The following ETFA variants were observed in gnomAD, a reference collection of about 807,000 sequenced individuals.
ETFA encodes electron transfer flavoprotein subunit alpha.
In ETFA, 22 loss-of-function variants were observed where a neutral mutation model predicts 46.2. That is an observed-to-expected ratio of 0.48 (90% CI 0.34 to 0.68). The LOEUF is 0.68. Ranked by LOEUF, ETFA falls within the 30% of genes least tolerant of loss-of-function variation. ETFA has a pLI of 0.01. For synonymous variants in ETFA, 131 were observed against 139.9 expected (o/e 0.94, Z 0.45); for missense variants, 345 against 401.1 (o/e 0.86, Z 1.19).
intron 9 of ETFA, chr15:76,260,735 G>A (rs189369257): frequency 2.7e-5 from 44 of 1,605,954 alleles, no homozygotes; most frequent in African/African-American, 1.9e-4. Flanking sequence ...TTTGGGGAGC[G>A]CTGGCTGGGG....
intron 4 of ETFA, among the ~76,000 whole-genome samples, chr15:76,290,987 G>C (rs1048256720): frequency 6.6e-6 from 1 of 152,218 alleles, no homozygotes; most frequent in African/African-American, 2.4e-5. Context: ...AGGCTGAAAT[G>C]AGAGGATGAC....
chr15:76,238,474 A>T (rs1438157900), intron 9 of ETFA, among the ~76,000 whole-genome samples: 4 of 152,212 alleles, frequency 2.6e-5, no homozygotes, highest in Admixed American at 2.0e-4. Flanking sequence ...TGCTCAAAAA[A>T]ACAATACCCC....
At chr15:76,286,625 A>G (rs2039707552) in intron 5 of ETFA, 144 bp from the exon 6 acceptor site, 4 of 677,150 alleles carry the variant, frequency 5.9e-6, no homozygotes, top group Non-Finnish European at 1.1e-5. Flanking sequence ...TATAGGAAAA[A>G]ATGAACCATA....
chr15:76,274,416 G>A lies in ETFA; in HGVS notation c.812C>T (p.Ala271Val), dbSNP rs1567211944. The change falls in exon 9 of 12, where the codon GCA becomes GTA. Residue 271 changes from alanine (A) to valine (V), a missense_variant. Transcript: ENST00000557943. ...MQVGQTGKIV[A>V]PELYIAVGIS... ...ATATTTTATTGCAATACTTACTGGT[G>A]CTACTATTTTTCCCGTCTGTCCAAC... The A allele has an allele frequency of 6.2e-7, 1 of 1,605,788 alleles. No homozygotes were observed. The highest frequency in any genetic ancestry group is 2.2e-5 in the East Asian group (1 of 44,824).
At chr15:76,261,030 G>A in intron 9 of ETFA, 2 of 1,600,726 alleles carry the variant, frequency 1.2e-6, no homozygotes, top group South Asian at 2.2e-5. Flanking sequence ...GAAGGGGACT[G>A]CAGGCAGTGC....
chr15:76,240,475 A>G (rs1330844760), intron 9 of ETFA, among the ~76,000 whole-genome samples: 1 of 152,246 alleles, frequency 6.6e-6, no homozygotes, highest in Non-Finnish European at 1.5e-5. Context: ...GGTGGGATGT[A>G]TATCACTAGC....
chr15:76,225,210 G>A (rs1405180504), intron 11 of ETFA, among the ~76,000 whole-genome samples: 1 of 152,124 alleles, frequency 6.6e-6, no homozygotes, highest in Admixed American at 6.5e-5. Context: ...TATGATTCCA[G>A]GTTATAAATT....
intron 4 of ETFA, among the ~76,000 whole-genome samples, chr15:76,290,946 T>A (rs1414994090): frequency 1.3e-5 from 2 of 152,190 alleles, no homozygotes; most frequent in Non-Finnish European, 2.9e-5. Context: ...CTAAGCACAG[T>A]GACTTATGTC....
At position 76,305,148 on chromosome 15, in the gene ETFA, T is replaced by C. The variant is rs540565077; in HGVS notation, c.39+6202A>G. 3.3e-5 allele frequency among the ~76,000 whole-genome samples: 5 copies of C among 151,296 alleles called. No homozygotes were observed. The East Asian group carries it at 9.6e-4, about 29-fold the overall frequency. ...CAGTGTGCAAACATAATTTCACAGATATCCTTTCAGTGTTTTCCAGTCCTC... is the reference window on the plus strand; with the variant it reads ...CAGTGTGCAAACATAATTTCACAGACATCCTTTCAGTGTTTTCCAGTCCTC... On this transcript the variant is annotated intron_variant, in intron 1 of 11. Coordinates refer to ENST00000557943, the MANE Select transcript of ETFA (RefSeq NM_000126.4).
intron 9 of ETFA, among the ~76,000 whole-genome samples, chr15:76,241,497 C>T (rs1293165320): frequency 6.6e-6 from 1 of 151,290 alleles, no homozygotes; most frequent in Non-Finnish European, 1.5e-5. Context: ...GAGTGAGACC[C>T]TGTCTCAAAA....
At chr15:76,274,311 G>C in intron 9 of ETFA, 101 bp downstream of exon 9, 1 of 934,322 alleles carries the variant, frequency 1.1e-6, no homozygotes, top group Non-Finnish European at 1.7e-6. Context: ...AACTGCTCAG[G>C]AACACTGAGT....
At chr15:76,217,823 A>T (rs545029846) in intron 11 of ETFA, 3 of 252,754 alleles carry the variant, frequency 1.2e-5, no homozygotes, top group South Asian at 1.0e-4. Flanking sequence ...CAGCCTCTCA[A>T]TTATTTAAGA....
intron 11 of ETFA, among the ~76,000 whole-genome samples, chr15:76,222,390 T>C (rs2038965393): frequency 1.3e-5 from 2 of 152,028 alleles, no homozygotes; most frequent in Non-Finnish European, 2.9e-5. Context: ...ATATTTGATT[T>C]TTTAAAAACG....
At chr15:76,260,647 G>T in intron 9 of ETFA, 2 of 1,549,120 alleles carry the variant, frequency 1.3e-6, no homozygotes, top group East Asian at 2.3e-5. Flanking sequence ...GGTCCCAGGG[G>T]GCCTTCCAAA....
intron 9 of ETFA, chr15:76,259,516 C>T (rs953450206): frequency 1.8e-5 from 15 of 828,572 alleles, no homozygotes; most frequent in African/African-American, 8.3e-5. Context: ...TCGATGCCAG[C>T]GTATGGTGTC....
chr15:76,298,917 T>C (rs1469980977), intron 1 of ETFA, among the ~76,000 whole-genome samples: 1 of 152,196 alleles, frequency 6.6e-6, no homozygotes, highest in South Asian at 2.1e-4. Flanking sequence ...AAAAAATACA[T>C]GTCCATTATT....
At chr15:76,283,045 T>C (rs562764365) in intron 8 of ETFA, among the ~76,000 whole-genome samples, 2 of 152,352 alleles carry the variant, frequency 1.3e-5, no homozygotes, top group South Asian at 2.1e-4. Flanking sequence ...AATGGTTAAC[T>C]ACAATTCTAT....
At chr15:76,288,915 TTCTTC>T (rs1348188045) in intron 4 of ETFA, among the ~76,000 whole-genome samples, 12 of 77,758 alleles carry the variant, frequency 1.5e-4, no homozygotes, top group Admixed American at 3.6e-4. Flanking sequence ...CTTCTTCTTC[TTCTTC>T]TTTTTTTTTT....
At chr15:76,230,372 G>A (rs1306085113) in intron 10 of ETFA, 1 of 71,284 alleles carries the variant, frequency 1.4e-5, no homozygotes, top group East Asian at 3.7e-4. Flanking sequence ...GACTACAGGC[G>A]CCCGCTACCA....
Sources: allele counts gnomAD v4.1 joint callset (sites outside exome capture counted in the v4.1 genomes callset), GRCh38; gene constraint gnomAD v4.1.1; transcripts MANE v1.5; gene names NCBI Gene and HGNC (gene_info 2026-07-23, HGNC 2026-07-21).